Variants in APOBEC3A observed in about 807,000 individuals in gnomAD.
The protein encoded by APOBEC3A is apolipoprotein B mRNA editing enzyme catalytic subunit 3A, also known as DNA dC->dU-editing enzyme APOBEC-3A.
Under a neutral mutation model 23.0 loss-of-function variants are expected in APOBEC3A, and 13 were observed. That is an observed-to-expected ratio of 0.57 (90% confidence interval 0.37 to 0.90). The LOEUF is 0.90. APOBEC3A is among the 40% of genes least tolerant of loss of function. The pLI is 0.01. For missense variants in APOBEC3A, 179 were observed against 264.9 expected (o/e 0.68, Z 2.25); for synonymous variants, 74 against 101.3 (o/e 0.73, Z 1.62).
At chr22:38,958,985 G>A (rs1321845585) in intron 1 of APOBEC3A, among the ~76,000 whole-genome samples, 1 of 152,110 alleles carries the variant, frequency 6.6e-6, no homozygotes. Flanking sequence ...CAGGAGTCCT[G>A]AGCTGCCCCA....
chr22:38,961,226 A>T (rs1045757667), intron 2 of APOBEC3A, among the ~76,000 whole-genome samples, 161 bp from the exon 3 acceptor site: 15 of 133,436 alleles, frequency 1.1e-4, no homozygotes, highest in Non-Finnish European at 2.2e-4. Flanking sequence ...ATAACATCTG[A>T]TATTTTTAAT....
intron 2 of APOBEC3A, among the ~76,000 whole-genome samples, chr22:38,960,020 C>T (rs1922806369): frequency 6.6e-6 from 1 of 152,224 alleles, no homozygotes; most frequent in Non-Finnish European, 1.5e-5. Flanking sequence ...TGCCCCAGTG[C>T]CCTCTCCTGG....
chr22:38,961,175 TATTTAA>T (rs1417669474), intron 2 of APOBEC3A, among the ~76,000 whole-genome samples: 1 of 147,788 alleles, frequency 6.8e-6, no homozygotes, highest in African/African-American at 2.6e-5. Context: ...GATCTGTTTG[TATTTAA>T]ATGGGCAACA....
rs773412649 is a variant in APOBEC3A, at chr22:38,962,685, C to T, written c.*176C>T. 4.6e-4 allele frequency: 678 copies of T among 1,466,682 alleles called. 49 individuals carry two copies. The highest frequency in any genetic ancestry group is 5.5e-4 in the Non-Finnish European group (598 of 1,096,310). 90.9% of individuals were successfully genotyped at this position (1,466,682 alleles called of 1,614,324 possible). ...TTTTAAAAAATCAGAGTGGGCCGGG[C>T]GCGGTGGCTCACGCCTGTAATCCCA... On this transcript the variant is annotated 3_prime_UTR_variant, in exon 5 of 5. Transcript: ENST00000249116.
At position 38,962,605 on chromosome 22, in the gene APOBEC3A, C is replaced by G; in HGVS notation, c.*96C>G. The G allele has an allele frequency of 6.3e-7, 1 of 1,584,332 alleles. No homozygotes were observed. Among genetic ancestry groups the G allele is most frequent in the Non-Finnish European group, 8.6e-7 (1 of 1,166,356 alleles). ...GAAATGCAAACAGACCGTTCACCAC[C>G]ATCTCCAGCTGCTCACAGACGCCAG... On this transcript the variant is annotated 3_prime_UTR_variant, in exon 5 of 5. Transcript: ENST00000249116.
rs1405817986 is a variant in APOBEC3A at position 38,962,403 on chromosome 22, C to T, written c.586-92C>T. On this transcript the variant is annotated intron_variant, in intron 4 of 4. Coordinates refer to ENST00000249116, the MANE Select transcript of APOBEC3A (RefSeq NM_145699.4). ...CCCACCTCCCGCATCCCTCCCTCCT[C>T]TCCCGTCATTGTCACTGTCCCCAGG... 9.0e-6 allele frequency: 14 copies of T among 1,559,186 alleles called. No individual in the cohort carries two copies. The East Asian group carries it at 2.9e-4, about 32-fold the overall frequency.
rs1156353793 is a variant in APOBEC3A at position 38,962,209 on chromosome 22, T to C, written c.581T>C (p.Leu194Pro). 9.3e-6 allele frequency: 15 copies of C among 1,613,504 alleles called. No homozygotes were observed. Among genetic ancestry groups the C allele is most frequent in the Non-Finnish European group, 1.3e-5 (15 of 1,180,000 alleles). ...QALSGRLRAI[L>P]QNQGN The stretch of plus-strand genomic sequence containing the variant: ...CTGAGTGGGAGGCTGCGGGCCATTC[T>C]CCAGGTGAGGGCTTCCTCCCTCTGC... The change falls in exon 4 of 5, where the codon CTC becomes CCC. Residue 194 changes from leucine (L) to proline (P), a missense_variant. Around this residue, in one of 5 missense-constraint regions of APOBEC3A, gnomAD observed 37 missense variants for 43.1 expected, o/e 0.86. Coordinates refer to ENST00000249116, the MANE Select transcript of APOBEC3A (RefSeq NM_145699.4).
Position 38,959,686 on chromosome 22 carries a change from G to A in APOBEC3A, c.174G>A (p.Gln58=). 6.2e-7 allele frequency: 1 copy of A among 1,613,012 alleles called. No homozygotes were observed. Among genetic ancestry groups the A allele is most frequent in the Non-Finnish European group, 8.5e-7 (1 of 1,179,496 alleles). Residue 58 remains glutamine (Q), a splice_region_variant and synonymous_variant, in exon 2 of 5, where the codon CAG becomes CAA. Transcript: ENST00000249116. Reference sequence around the variant, plus strand: ...AGCACAGGGGCTTTCTACACAACCAGGTGACCGACCCAGCCATCCGAATCC... The same window carrying A: ...AGCACAGGGGCTTTCTACACAACCAAGTGACCGACCCAGCCATCCGAATCC... ...MDQHRGFLHN[Q]AKNLLCGFYG... is the part of the protein sequence containing the mutation.
chr22:38,959,609 CTG>C lies in APOBEC3A; in HGVS notation c.100_101del (p.Cys34LeufsTer26), dbSNP rs1366271806. 1.2e-6 allele frequency: 2 copies of C among 1,614,004 alleles called. No individual in the cohort carries two copies. Among genetic ancestry groups the C allele is most frequent in the African/African-American group, 2.7e-5 (2 of 74,894 alleles). On this transcript the variant is annotated frameshift_variant, in exon 2 of 5. Coordinates refer to ENST00000249116, the MANE Select transcript of APOBEC3A (RefSeq NM_145699.4). LOFTEE classifies it high-confidence loss of function. ...NNGIGRHKTY[L>X]CYEVERLDNG... ...TGGCATTGGAAGGCATAAGACCTACCTGTGCTACGAAGTGGAGCGCCTGGACA... is the reference window on the plus strand; with the variant it reads ...TGGCATTGGAAGGCATAAGACCTACCTGCTACGAAGTGGAGCGCCTGGACA...
Position 38,962,655 on chromosome 22 carries a change from T to C in APOBEC3A, c.*146T>C, listed in dbSNP as rs1922959982. On this transcript the variant is annotated 3_prime_UTR_variant, in exon 5 of 5. Transcript: ENST00000249116. Reference sequence around the variant, plus strand: ...GCAAAGCAGTATGCTCCCGATCAAGTAGATTTTTAAAAAATCAGAGTGGGC... The same window carrying C: ...GCAAAGCAGTATGCTCCCGATCAAGCAGATTTTTAAAAAATCAGAGTGGGC... 1.3e-6 allele frequency: 2 copies of C among 1,552,014 alleles called. No homozygotes were observed. The highest frequency in any genetic ancestry group is 1.7e-4 in the Middle Eastern group (1 of 5,880).
Position 38,959,664 on chromosome 22 carries a change from A to G in APOBEC3A, c.152A>G (p.His51Arg), listed in dbSNP as rs1401901853. 6 of 1,613,820 alleles carry G rather than the reference A, an allele frequency of 3.7e-6. No homozygotes were observed. The highest frequency in any genetic ancestry group is 1.3e-5 in the African/African-American group (1 of 74,892). ...GGCACCTCGGTCAAGATGGACCAGC[A>G]CAGGGGCTTTCTACACAACCAGGTG... ...DNGTSVKMDQ[H>R]RGFLHNQAKN... Residue 51 changes from histidine (H) to arginine (R), a missense_variant, in exon 2 of 5, where the codon CAC (histidine) becomes CGC (arginine). His to Arg is a conservative substitution (Grantham distance 29). Transcript: ENST00000249116.
intron 1 of APOBEC3A, among the ~76,000 whole-genome samples, chr22:38,958,769 C>CTTTTTCTTTCTT (rs59598207): frequency 0.045 from 4,930 of 109,438 alleles, 240 homozygotes; most frequent in African/African-American, 0.062. Flanking sequence ...ATCTCTCTTT[C>CTTTTTCTTTCTT]TCTTTCTTTC....
rs564342499 is a variant in APOBEC3A, at chr22:38,962,182, C to A, written c.554C>A (p.Ala185Asp). 47 of 1,613,444 alleles carry A rather than the reference C, an allele frequency of 2.9e-5. 1 individual carries two copies. The South Asian group carries it at 3.7e-4, about 13-fold the overall frequency. ...PWDGLDEHSQ[A>D]LSGRLRAILQ... is the part of the protein sequence containing the mutation. ...GATGGACTAGATGAGCACAGCCAAG[C>A]CCTGAGTGGGAGGCTGCGGGCCATT... The change falls in exon 4 of 5, where the codon GCC becomes GAC. Residue 185 changes from alanine to aspartate, a missense_variant. Around this residue, in one of 5 missense-constraint regions of APOBEC3A, gnomAD observed 37 missense variants for 43.1 expected, o/e 0.86. Transcript: ENST00000249116.
At position 38,960,880 on chromosome 22, in the gene APOBEC3A, C is replaced by T. The variant is rs1423933118; in HGVS notation, c.175-507C>T. 6.6e-5 allele frequency among the ~76,000 whole-genome samples: 10 copies of T among 151,798 alleles called. No homozygotes were observed. In the East Asian group the frequency reaches 7.8e-4, roughly 12 times the overall value. ...CAGGCCAATGACCTCGGGGCTCCGCCGGCCCCTCCTCCCTGCCCCCATCTC... is the reference window on the plus strand; with the variant it reads ...CAGGCCAATGACCTCGGGGCTCCGCTGGCCCCTCCTCCCTGCCCCCATCTC... On this transcript the variant is annotated intron_variant, in intron 2 of 4. Coordinates refer to ENST00000249116, the MANE Select transcript of APOBEC3A (RefSeq NM_145699.4).
intron 4 of APOBEC3A, 47 bp downstream of exon 4, chr22:38,962,260 C>T (rs1176186335): frequency 6.2e-7 from 1 of 1,613,300 alleles, no homozygotes; most frequent in Admixed American, 1.7e-5. Flanking sequence ...CCTCCCCCTC[C>T]TCCCCACTCC....
At chr22:38,958,904 A>T (rs1922736051) in intron 1 of APOBEC3A, among the ~76,000 whole-genome samples, 1 of 142,290 alleles carries the variant, frequency 7.0e-6, no homozygotes, top group African/African-American at 2.6e-5. Context: ...GATTTTTCTA[A>T]TTCTGATTAT....
chr22:38,962,257 C>A lies in APOBEC3A; in HGVS notation c.585+44C>A, dbSNP rs372061663. 5.5e-5 allele frequency: 88 copies of A among 1,613,346 alleles called. 1 individual carries two copies. The African/African-American group carries it at 1.0e-3, about 19-fold the overall frequency. On this transcript the variant is annotated intron_variant, in intron 4 of 4. Transcript: ENST00000249116. The stretch of plus-strand genomic sequence containing the variant: ...TGCCCGGTGCCCCATCGGCCTCCCC[C>A]TCCTCCCCACTCCCCTGGGCCTTGC...
rs558074412 is a variant in APOBEC3A, at chr22:38,959,822, C to T, written c.174+136C>T. 1.2e-4 allele frequency: 156 copies of T among 1,279,172 alleles called. 2 individuals carry two copies. In the Admixed American group the frequency reaches 4.0e-3, roughly 33 times the overall value. The allele number at this position is 1,279,172 out of a possible 1,614,324, so 79.2% of individuals were successfully genotyped here. On this transcript the variant is annotated intron_variant, in intron 2 of 4. Transcript: ENST00000249116. ...GCTTCCTGCAGCTGCTGCTGCTTGG[C>T]CCTGGGGTTGGGGGGAGACTTCGGC...
intron 2 of APOBEC3A, among the ~76,000 whole-genome samples, chr22:38,960,920 G>T (rs1343530404): frequency 6.6e-6 from 1 of 151,848 alleles, no homozygotes; most frequent in Non-Finnish European, 1.5e-5. Context: ...GCCCCTCCCT[G>T]CAGGGCTGGG....
Sources: allele counts gnomAD v4.1 joint callset (sites outside exome capture counted in the v4.1 genomes callset), GRCh38; gene constraint gnomAD v4.1.1; regional missense constraint gnomAD v4.1.1; transcripts MANE v1.5; gene names NCBI Gene and HGNC (gene_info 2026-07-23, HGNC 2026-07-21).